The following ZNF264 variants were observed in gnomAD, a reference collection of about 807,000 sequenced individuals.
ZNF264 encodes zinc finger protein 264.
Under a neutral mutation model 11.2 loss-of-function variants are expected in ZNF264, and 11 were observed. The observed-to-expected ratio is 0.98, with a 90% CI of 0.62 to 1.63. The LOEUF (loss-of-function observed/expected upper bound fraction) is 1.63, where lower values mean the gene tolerates loss of function less well. Among genes scored for constraint, ZNF264 ranks in the 40% most tolerant of loss-of-function variants. The pLI, the probability that ZNF264 is intolerant of heterozygous loss-of-function variation, is 0.00. For synonymous variants in ZNF264, 309 were observed against 279.8 expected (o/e 1.10, Z -1.04); for missense variants, 752 against 768.1 (o/e 0.98, Z 0.25).
At chr19:57,211,243 A>G (rs1205402931) in intron 3 of ZNF264, 111 bp from the exon 4 acceptor site, 5 of 1,097,316 alleles carry the variant, frequency 4.6e-6, no homozygotes, top group Non-Finnish European at 6.3e-6. Context: ...TACAGAAAAT[A>G]GCAACACAGA....
intron 1 of ZNF264, among the ~76,000 whole-genome samples, chr19:57,192,160 C>T (rs1008393816): frequency 6.6e-6 from 1 of 152,114 alleles, no homozygotes; most frequent in Non-Finnish European, 1.5e-5. Context: ...AATGATGCTT[C>T]CTCTGGGGAC....
chr19:57,197,506 C>T (rs1243057549), intron 2 of ZNF264, among the ~76,000 whole-genome samples: 1 of 151,930 alleles, frequency 6.6e-6, no homozygotes, highest in Non-Finnish European at 1.5e-5. Context: ...TCCCTATCTG[C>T]CACTGACACC....
chr19:57,197,190 C>T (rs1202727183), intron 2 of ZNF264, among the ~76,000 whole-genome samples: 1 of 151,826 alleles, frequency 6.6e-6, no homozygotes, highest in East Asian at 1.9e-4. Flanking sequence ...GCATTTGAGC[C>T]ACTTCCTCAT....
chr19:57,213,098 A>T lies in ZNF264; in HGVS notation c.*117A>T, dbSNP rs977599322. 1 of 1,013,066 alleles carries T rather than the reference A, an allele frequency of 9.9e-7. No homozygotes were observed. The highest frequency in any genetic ancestry group is 1.4e-6 in the Non-Finnish European group (1 of 707,322). The allele number at this position is 1,013,066 out of a possible 1,614,324, so 62.8% of individuals were successfully genotyped here. ...TATCCTGGAGAGAGACCCAGTGGTT[A>T]TTGTGCACATAGGAGAACCTTCAGC... On this transcript the variant is annotated 3_prime_UTR_variant, in exon 4 of 4. Transcript: ENST00000263095.
Position 57,221,404 on chromosome 19 carries a change from GT to G in ZNF264, c.*8424del, listed in dbSNP as rs1725883737. The G allele has an allele frequency of 6.6e-6, 1 of 152,172 alleles. No individual in the cohort carries two copies. The highest frequency in any genetic ancestry group is 2.4e-5 in the African/African-American group (1 of 41,424). The allele number at this position is 152,172 out of a possible 1,614,324, so 9.4% of individuals were successfully genotyped here. ...ATTTTAGAAATTGTTATGAATGACT[GT>G]CTTGGGATCCTCAAGAACACCCCCA... On this transcript the variant is annotated 3_prime_UTR_variant, in exon 4 of 4. Coordinates refer to ENST00000263095, the MANE Select transcript of ZNF264 (RefSeq NM_003417.5).
In ZNF264 at chr19:57,221,495, A is replaced by C. The variant is rs2087416891; in HGVS notation, c.*8514A>C. 6.6e-6 allele frequency: 1 copy of C among 152,212 alleles called. No individual in the cohort carries two copies. The highest frequency in any genetic ancestry group is 6.5e-5 in the Admixed American group (1 of 15,276). The allele number at this position is 152,212 out of a possible 1,614,324, so 9.4% of individuals were successfully genotyped here. A position where few individuals can be genotyped will look rare whatever the true frequency, so the allele number is the denominator to read the frequency against. ...CTGTCATACTCAACAGCTATGATTT[A>C]CTGCAGCAAAAAAATACAAAGCAAA... On this transcript the variant is annotated 3_prime_UTR_variant, in exon 4 of 4. Coordinates refer to ENST00000263095, the MANE Select transcript of ZNF264 (RefSeq NM_003417.5).
Position 57,221,598 on chromosome 19 carries a change from G to A in ZNF264, c.*8617G>A, listed in dbSNP as rs2087417575. 6.6e-6 allele frequency: 1 copy of A among 152,202 alleles called. No homozygotes were observed. Among genetic ancestry groups the A allele is most frequent in the South Asian group, 2.1e-4 (1 of 4,834 alleles). 9.4% of individuals were successfully genotyped at this position (152,202 alleles called of 1,614,324 possible). On this transcript the variant is annotated 3_prime_UTR_variant, in exon 4 of 4. Coordinates refer to ENST00000263095, the MANE Select transcript of ZNF264 (RefSeq NM_003417.5). ...TCTTGTTTCAGTGAAGTCACAGGAT[G>A]TGCCTTATTTAAGTTCCATCTGGTA...
chr19:57,212,805 A>G lies in ZNF264; in HGVS notation c.1708A>G (p.Thr570Ala). The change falls in exon 4 of 4, where the codon ACA (threonine) becomes GCA (alanine). Residue 570 changes from threonine (T) to alanine (A), a missense_variant. Thr to Ala is a moderately conservative substitution (Grantham distance 58). Transcript: ENST00000263095. ...MHTGKNPISV[T>A]DVGRPFTSGQ... is the part of the protein sequence containing the mutation. ...TACTGGGAAAAATCCCATCAGTGTA[A>G]CAGATGTGGGAAGACCTTTTACAAG... is the stretch of plus-strand genomic sequence containing the variant. The G allele has an allele frequency of 1.2e-6, 2 of 1,614,206 alleles. No homozygotes were observed. The highest frequency in any genetic ancestry group is 8.5e-7 in the Non-Finnish European group (1 of 1,180,024).
At position 57,215,603 on chromosome 19, in the gene ZNF264, G is replaced by A. The variant is rs571132255; in HGVS notation, c.*2622G>A. ...ATTTGGCTCTTTCTAACTTTTCAAG[G>A]TGGGGTTTTAGATTATTGATTTGAG... On this transcript the variant is annotated 3_prime_UTR_variant, in exon 4 of 4. Coordinates refer to ENST00000263095, the MANE Select transcript of ZNF264 (RefSeq NM_003417.5). 6.6e-6 allele frequency: 1 copy of A among 152,200 alleles called. No homozygotes were observed. Among genetic ancestry groups the A allele is most frequent in the South Asian group, 2.1e-4 (1 of 4,834 alleles). The allele number at this position is 152,200 out of a possible 1,614,324, so 9.4% of individuals were successfully genotyped here. A position where few individuals can be genotyped will look rare whatever the true frequency, so the allele number is the denominator to read the frequency against.
At chr19:57,204,726 C>A (rs1599950549) in intron 2 of ZNF264, among the ~76,000 whole-genome samples, 2 of 152,148 alleles carry the variant, frequency 1.3e-5, no homozygotes, top group East Asian at 3.8e-4. Context: ...CCTGGGAGAC[C>A]ACGCTGTGTG....
rs2122765453 is a variant in ZNF264, at chr19:57,211,883, G to A, written c.786G>A (p.Met262Ile). ...IHTGERPYEC[M>I]ECGKAFNRKS... is the part of the protein sequence containing the mutation. ...CTGGGGAGAGGCCCTATGAGTGCAT[G>A]GAGTGTGGAAAGGCCTTCAACCGCA... The change falls in exon 4 of 4, where the codon ATG becomes ATA. Residue 262 changes from methionine to isoleucine, a missense_variant. Met to Ile is a conservative substitution (Grantham distance 10, BLOSUM62 1). Transcript: ENST00000263095. 1.2e-6 allele frequency: 2 copies of A among 1,613,306 alleles called. No homozygotes were observed. The highest frequency in any genetic ancestry group is 1.1e-5 in the South Asian group (1 of 91,008).
At chr19:57,205,633 G>T in intron 3 of ZNF264, 141 bp downstream of exon 3, 1 of 770,646 alleles carries the variant, frequency 1.3e-6, no homozygotes, top group Non-Finnish European at 2.2e-6. Flanking sequence ...ACACTAGAAT[G>T]TTCCATTTGA....
At position 57,196,605 on chromosome 19, in the gene ZNF264, T is replaced by C. The variant is rs141030897; in HGVS notation, c.160+2604T>C. ...CCTGCCACTATGACCATTTTGTTCA[T>C]GGGCCCATTGCACGATGACAGGGGT... On this transcript the variant is annotated intron_variant, in intron 2 of 3. Transcript: ENST00000263095. Among the ~76,000 whole-genome samples the C allele has an allele frequency of 2.4e-3, 362 of 152,052 alleles. 10 individuals are homozygous for C. Among genetic ancestry groups the C allele is most frequent in the African/African-American group, 8.4e-3 (348 of 41,312 alleles).
chr19:57,206,618 C>T (rs2087294830), intron 3 of ZNF264, among the ~76,000 whole-genome samples: 1 of 152,080 alleles, frequency 6.6e-6, no homozygotes, highest in African/African-American at 2.4e-5. Flanking sequence ...GTTTCTGAGC[C>T]ATAGTAAGTG....
At chr19:57,197,882 C>T (rs181214186) in intron 2 of ZNF264, among the ~76,000 whole-genome samples, 18 of 152,110 alleles carry the variant, frequency 1.2e-4, no homozygotes, top group Admixed American at 9.8e-4. Flanking sequence ...CATCCTCTGG[C>T]ACACAGATGT....
At chr19:57,206,637 G>C (rs113647384) in intron 3 of ZNF264, among the ~76,000 whole-genome samples, 1 of 152,060 alleles carries the variant, frequency 6.6e-6, no homozygotes, top group Non-Finnish European at 1.5e-5. Context: ...TGACTCATCC[G>C]AATGTCATTA....
chr19:57,205,215 A>C (rs1278593468), intron 2 of ZNF264, among the ~76,000 whole-genome samples, 182 bp from the exon 3 acceptor site: 1 of 152,234 alleles, frequency 6.6e-6, no homozygotes, highest in Non-Finnish European at 1.5e-5. Flanking sequence ...TTGGAATTAC[A>C]TAATGCATTT....
rs147232641 is a variant in ZNF264, at chr19:57,215,082, C to T, written c.*2101C>T. 36 of 152,298 alleles carry T rather than the reference C, an allele frequency of 2.4e-4. No homozygotes were observed. The East Asian group carries it at 6.8e-3, about 29-fold the overall frequency. The allele number at this position is 152,298 out of a possible 1,614,324, so 9.4% of individuals were successfully genotyped here. A position where few individuals can be genotyped will look rare whatever the true frequency, so the allele number is the denominator to read the frequency against. On this transcript the variant is annotated 3_prime_UTR_variant, in exon 4 of 4. Transcript: ENST00000263095. ...GGTTTTGATGTCTAGGTGATCTTGA[C>T]CTTTCAACATGAATTGGAAGGAGTT...
chr19:57,201,207 G>C (rs2087251030), intron 2 of ZNF264, among the ~76,000 whole-genome samples: 1 of 151,612 alleles, frequency 6.6e-6, no homozygotes, highest in South Asian at 2.1e-4. Flanking sequence ...CTGCCCCTTG[G>C]GTTTGTAGCT....
Sources: allele counts gnomAD v4.1 joint callset (sites outside exome capture counted in the v4.1 genomes callset), GRCh38; gene constraint gnomAD v4.1.1; transcripts MANE v1.5; gene names NCBI Gene and HGNC (gene_info 2026-07-23, HGNC 2026-07-21).